SHANK2: variants seen among roughly 807,000 people sequenced by gnomAD.
SHANK2 encodes SH3 and multiple ankyrin repeat domains protein 2.
Under a neutral mutation model 133.7 loss-of-function variants are expected in SHANK2, and 43 were observed. That is an observed-to-expected ratio of 0.32 (90% CI 0.25 to 0.41). The LOEUF (loss-of-function observed/expected upper bound fraction) is 0.41. Among genes scored for constraint, SHANK2 ranks in the 10% least tolerant of loss-of-function variants. The pLI is 1.00. For synonymous variants in SHANK2, 1,017 were observed against 952.8 expected, an observed-to-expected ratio of 1.07 and a Z score of -1.24; for missense variants, 1,994 against 2,235.8, an observed-to-expected ratio of 0.89 and a Z score of 2.18.
At chr11:70,769,713 G>A (rs1555042239) in intron 14 of SHANK2, among the ~76,000 whole-genome samples, 1 of 150,872 alleles carries the variant, frequency 6.6e-6, no homozygotes, top group African/African-American at 2.4e-5. Context: ...AAGCACACAT[G>A]TGCGTGTGTT....
chr11:71,177,461 T>C (rs1163612135), intron 2 of SHANK2, among the ~76,000 whole-genome samples: 2 of 152,096 alleles, frequency 1.3e-5, no homozygotes, highest in Non-Finnish European at 2.9e-5. Flanking sequence ...TACTTGATGA[T>C]AAAAGTGTAG....
At chr11:70,624,201 C>T (rs1565189594) in intron 17 of SHANK2, among the ~76,000 whole-genome samples, 1 of 152,082 alleles carries the variant, frequency 6.6e-6, no homozygotes, top group Admixed American at 6.5e-5. Context: ...ACCATGCCTG[C>T]CACTTCCTGA....
chr11:70,741,769 T>A (rs1555034824), intron 14 of SHANK2, among the ~76,000 whole-genome samples: 2 of 152,312 alleles, frequency 1.3e-5, no homozygotes, highest in East Asian at 3.9e-4. Context: ...CTCTGTTTTT[T>A]CATTAAACAG....
intron 14 of SHANK2, among the ~76,000 whole-genome samples, chr11:70,716,223 A>C (rs1475904097): frequency 2.0e-5 from 3 of 152,064 alleles, no homozygotes; most frequent in African/African-American, 7.2e-5. Flanking sequence ...AAACACCCCA[A>C]GCATCTCCTG....
intron 17 of SHANK2, chr11:70,646,272 C>T (rs2134184051): frequency 6.6e-6 from 1 of 152,318 alleles, no homozygotes; most frequent in South Asian, 2.1e-4. Flanking sequence ...GTGTCAGACG[C>T]ACCTGAGCCC....
chr11:70,650,341 G>A (rs1442110916), intron 17 of SHANK2, among the ~76,000 whole-genome samples: 1 of 152,214 alleles, frequency 6.6e-6, no homozygotes, highest in Non-Finnish European at 1.5e-5. Context: ...GGACACAGGG[G>A]ACAGAAATGA....
intron 25 of SHANK2, among the ~76,000 whole-genome samples, chr11:70,477,003 G>T (rs2058672446): frequency 6.6e-6 from 1 of 152,240 alleles, no homozygotes. Context: ...AGTTGGGATT[G>T]ATTTTGGTTT....
At chr11:70,791,938 G>A (rs782024595) in intron 14 of SHANK2, among the ~76,000 whole-genome samples, 18 of 152,234 alleles carry the variant, frequency 1.2e-4, no homozygotes, top group Non-Finnish European at 2.1e-4. Context: ...ACTGGAGACT[G>A]TGAAGTCCCA....
chr11:71,252,684 T>G (rs1948207064), upstream of SHANK2: 2 of 151,146 alleles, frequency 1.3e-5, no homozygotes, highest in South Asian at 4.2e-4. The surrounding 1 kb of genome is among the most constrained non-coding windows in gnomAD (Gnocchi z 6.3). Context: ...CGACCCGACC[T>G]GGACCCCCAC....
rs555232612 is a variant in SHANK2 at position 71,104,369 on chromosome 11, C to A, written c.592+5572G>T. ...TGCAGTCCCAACACAGGGCCCCCCC[C>A]ATCCTGCATCTCTGAAGCCCAGTGT... is the stretch of plus-strand genomic sequence containing the variant. On this transcript the variant is annotated intron_variant, in intron 6 of 25. Coordinates refer to ENST00000601538, the MANE Select transcript of SHANK2 (RefSeq NM_012309.5). Among the ~76,000 whole-genome samples the A allele has an allele frequency of 7.8e-4, 119 of 152,308 alleles. 1 individual carries two copies. Among genetic ancestry groups the A allele is most frequent in the African/African-American group, 2.7e-3 (113 of 41,566 alleles).
chr11:71,216,148 C>T (rs1004058359), intron 2 of SHANK2, among the ~76,000 whole-genome samples: 7 of 152,162 alleles, frequency 4.6e-5, no homozygotes, highest in African/African-American at 1.4e-4. Flanking sequence ...AACGAAATCG[C>T]GTCCACACAA....
chr11:70,953,151 T>G (rs1332915616), intron 10 of SHANK2, among the ~76,000 whole-genome samples: 1 of 152,084 alleles, frequency 6.6e-6, no homozygotes, highest in Non-Finnish European at 1.5e-5. Context: ...CATTAAAATT[T>G]AATCCCCAGT....
At chr11:70,578,152 A>G (rs948196) in intron 17 of SHANK2, among the ~76,000 whole-genome samples, 130,014 of 152,132 alleles carry the variant, frequency 0.85, 55,639 homozygotes, top group South Asian at 0.92. Context: ...ATGGCATCTC[A>G]TACACTGTAC....
chr11:70,894,475 C>T (rs1461450044), intron 11 of SHANK2, among the ~76,000 whole-genome samples: 5 of 152,216 alleles, frequency 3.3e-5, no homozygotes, highest in African/African-American at 4.8e-5. Flanking sequence ...GCGTGAGACA[C>T]CGCGCCTGGC....
chr11:70,933,277 TAC>T (rs1950526570), intron 10 of SHANK2: 1 of 455,110 alleles, frequency 2.2e-6, no homozygotes, highest in Admixed American at 2.4e-5. Flanking sequence ...AAAAGATGAA[TAC>T]TGTAGGATTA....
intron 6 of SHANK2, among the ~76,000 whole-genome samples, chr11:71,105,992 A>G (rs1951797476): frequency 6.6e-6 from 1 of 152,240 alleles, no homozygotes; most frequent in Admixed American, 6.5e-5. Flanking sequence ...CCTTCATGTA[A>G]GCTTGGACTT....
intron 15 of SHANK2, among the ~76,000 whole-genome samples, chr11:70,697,434 C>T (rs1344307881): frequency 2.0e-5 from 3 of 152,112 alleles, no homozygotes; most frequent in Non-Finnish European, 2.9e-5. Flanking sequence ...CGCGCAGCAC[C>T]GAGGCAGGCA....
At chr11:70,506,459 G>A (rs2059138557) in intron 17 of SHANK2, among the ~76,000 whole-genome samples, 1 of 152,194 alleles carries the variant, frequency 6.6e-6, no homozygotes, top group Non-Finnish European at 1.5e-5. Flanking sequence ...GGCTCCCATG[G>A]GCCCTGGAAA....
At chr11:70,509,976 A>G (rs569070044) in intron 17 of SHANK2, among the ~76,000 whole-genome samples, 515 of 152,292 alleles carry the variant, frequency 3.4e-3, no homozygotes, top group Non-Finnish European at 4.5e-3. Context: ...GTGACAAACC[A>G]TAGCTGTGCT....
Sources: allele counts gnomAD v4.1 joint callset (sites outside exome capture counted in the v4.1 genomes callset), GRCh38; gene constraint gnomAD v4.1.1; non-coding constraint Gnocchi (gnomAD v3.1); transcripts MANE v1.5; gene names NCBI Gene and HGNC (gene_info 2026-07-23, HGNC 2026-07-21).